The following PARP16 variants were observed in gnomAD, a reference collection of about 807,000 sequenced individuals.
PARP16 encodes protein mono-ADP-ribosyltransferase PARP16.
In PARP16, 31 loss-of-function variants were observed where a neutral mutation model predicts 35.0. That is an observed-to-expected ratio of 0.88 (90% CI 0.66 to 1.19). The LOEUF (loss-of-function observed/expected upper bound fraction) is 1.19. Among genes scored for constraint, PARP16 ranks in the 50% most tolerant of loss-of-function variants. The pLI is 0.00. For missense variants in PARP16, 424 were observed against 411.2 expected (o/e 1.03, Z -0.27); for synonymous variants, 162 against 169.5 (o/e 0.96, Z 0.34).
At chr15:65,249,498 G>A (rs2089296738) in intron 2 of PARP16, among the ~76,000 whole-genome samples, 1 of 152,252 alleles carries the variant, frequency 6.6e-6, no homozygotes, top group Admixed American at 6.5e-5. Flanking sequence ...GAGACAGACA[G>A]CTACCTTCCT....
At chr15:65,256,105 T>A (rs1343420992), downstream of PARP16, among the ~76,000 whole-genome samples, 1 of 152,140 alleles carries the variant, frequency 6.6e-6, no homozygotes, top group Non-Finnish European at 1.5e-5. Context: ...CATCTAGCCC[T>A]CCTCTTTGGC....
intron 4 of PARP16, among the ~76,000 whole-genome samples, chr15:65,261,229 A>G (rs1027863301): frequency 6.6e-6 from 1 of 151,890 alleles, no homozygotes; most frequent in African/African-American, 2.4e-5. Flanking sequence ...AAAGAGTAGG[A>G]AAATATAAGG....
chr15:65,269,330 G>A (rs1279485601), intron 2 of PARP16, among the ~76,000 whole-genome samples: 1 of 152,040 alleles, frequency 6.6e-6, no homozygotes, highest in Non-Finnish European at 1.5e-5. Context: ...CCACGTAGCT[G>A]GGATTACAGG....
chr15:65,285,825 T>C (rs1272938188), intron 1 of PARP16, among the ~76,000 whole-genome samples: 3 of 152,196 alleles, frequency 2.0e-5, no homozygotes, highest in South Asian at 4.1e-4. Context: ...GTACTGCCCA[T>C]AGATCACCTC....
chr15:65,242,221 G>A (rs2089098637), intron 3 of PARP16, among the ~76,000 whole-genome samples: 1 of 151,998 alleles, frequency 6.6e-6, no homozygotes. Context: ...CTTTTTCAGT[G>A]ATCTATATGT....
chr15:65,269,220 A>G (rs1188635954), intron 2 of PARP16, among the ~76,000 whole-genome samples: 5 of 65,732 alleles, frequency 7.6e-5, no homozygotes, highest in Non-Finnish European at 1.7e-4. Context: ...TTTTTGAGAT[A>G]CAGTCTTGCA....
At chr15:65,241,785 AT>A (rs900670956) in intron 3 of PARP16, among the ~76,000 whole-genome samples, 2 of 152,172 alleles carry the variant, frequency 1.3e-5, no homozygotes, top group African/African-American at 4.8e-5. Context: ...TTTTTAAAAA[AT>A]ATATTCTAGA....
At chr15:65,235,739 C>T (rs184466021) in intron 3 of PARP16, among the ~76,000 whole-genome samples, 10 of 149,692 alleles carry the variant, frequency 6.7e-5, no homozygotes, top group Middle Eastern at 3.2e-3. Context: ...AGCCTGGAGT[C>T]GAGGGGGCAG....
downstream of PARP16, among the ~76,000 whole-genome samples, chr15:65,232,728 C>A (rs1474392901): frequency 2.0e-5 from 3 of 151,986 alleles, no homozygotes; most frequent in Non-Finnish European, 4.4e-5. Context: ...CATAGCAAGA[C>A]CCCATTCTCC....
At chr15:65,239,272 C>G (rs1383545903) in intron 3 of PARP16, among the ~76,000 whole-genome samples, 1 of 149,806 alleles carries the variant, frequency 6.7e-6, no homozygotes, top group African/African-American at 2.5e-5. Flanking sequence ...ACTAAAAATA[C>G]AAAAATTAGC....
intron 3 of PARP16, among the ~76,000 whole-genome samples, chr15:65,241,651 CAA>C (rs1213158300): frequency 3.3e-5 from 5 of 152,108 alleles, no homozygotes; most frequent in African/African-American, 4.8e-5. Flanking sequence ...TCTTCTTCAG[CAA>C]AGTGTCCGTT....
chr15:65,257,561 C>T (rs1166988414), downstream of PARP16, among the ~76,000 whole-genome samples: 1 of 146,442 alleles, frequency 6.8e-6, no homozygotes, highest in Non-Finnish European at 1.5e-5. Context: ...ACCCGGGAGG[C>T]AGAGGCTGCA....
intron 1 of PARP16, among the ~76,000 whole-genome samples, chr15:65,277,675 A>G (rs998431931): frequency 6.6e-6 from 1 of 152,206 alleles, no homozygotes; most frequent in Non-Finnish European, 1.5e-5. Context: ...TCCAGAGTCT[A>G]TTCTCCTGCC....
chr15:65,268,119 C>T (rs993685299), intron 2 of PARP16, among the ~76,000 whole-genome samples: 3 of 152,178 alleles, frequency 2.0e-5, no homozygotes, highest in African/African-American at 7.2e-5. Flanking sequence ...TGGGATTCTA[C>T]CAAGATCCCA....
intron 2 of PARP16, among the ~76,000 whole-genome samples, chr15:65,251,370 G>A (rs1482791360): frequency 1.3e-5 from 2 of 152,080 alleles, no homozygotes; most frequent in African/African-American, 4.8e-5. Flanking sequence ...ATCTACCCAC[G>A]TTTATTCCCC....
chr15:65,283,282 T>A (rs549627026), intron 1 of PARP16, among the ~76,000 whole-genome samples: 133 of 151,910 alleles, frequency 8.8e-4, no homozygotes, highest in African/African-American at 2.7e-3. Context: ...ATTTTTTTTT[T>A]TAAAAAAAGC....
At chr15:65,241,493 T>C (rs968101242) in intron 3 of PARP16, among the ~76,000 whole-genome samples, 3 of 152,204 alleles carry the variant, frequency 2.0e-5, no homozygotes. Context: ...CTGGTTATAG[T>C]TGTTTCACAT....
intron 1 of PARP16, among the ~76,000 whole-genome samples, chr15:65,280,336 C>T: frequency 6.6e-6 from 1 of 150,886 alleles, no homozygotes; most frequent in East Asian, 1.9e-4. Context: ...ACACGGGAGG[C>T]TGACGTAGGA....
chr15:65,230,993 A>T (rs1315432092), downstream of PARP16, among the ~76,000 whole-genome samples: 1 of 144,302 alleles, frequency 6.9e-6, no homozygotes, highest in African/African-American at 2.6e-5. Flanking sequence ...GGGTCAAGTG[A>T]TTCTCCTGCC....
Sources: gnomAD v4.1 joint callset for allele counts (sites outside exome capture counted in the v4.1 genomes callset) on GRCh38, gnomAD v4.1.1 for gene constraint, MANE v1.5 for transcripts, NCBI Gene and HGNC (gene_info 2026-07-23, HGNC 2026-07-21) for gene names.